WDPCP: variants seen among roughly 807,000 people sequenced by gnomAD.
WDPCP encodes WD repeat containing planar cell polarity effector.
WDPCP carries 71 observed loss-of-function variants against 93.1 expected under a neutral mutation model. That is an observed-to-expected ratio of 0.76 (90% CI 0.63 to 0.93). The LOEUF is 0.93. WDPCP is among the 40% of genes least tolerant of loss of function. WDPCP has a pLI of 0.00. For synonymous variants in WDPCP, 315 were observed against 315.0 expected (o/e 1.00, Z 0.00); for missense variants, 844 against 887.4 (o/e 0.95, Z 0.62).
intron 14 of WDPCP, among the ~76,000 whole-genome samples, chr2:63,217,882 C>T (rs888500747): frequency 6.6e-6 from 1 of 152,062 alleles, no homozygotes; most frequent in Non-Finnish European, 1.5e-5. Flanking sequence ...TTTGGTCCAC[C>T]TCAAAAAGAA....
At chr2:63,174,580 T>C (rs1169961535) in intron 15 of WDPCP, 90 bp downstream of exon 15, 8 of 1,558,604 alleles carry the variant, frequency 5.1e-6, no homozygotes, top group Non-Finnish European at 7.1e-6. Context: ...CTTGACATTT[T>C]GAAATATTCT....
intron 12 of WDPCP, among the ~76,000 whole-genome samples, chr2:63,329,422 G>A (rs1687818739): frequency 6.6e-6 from 1 of 151,866 alleles, no homozygotes; most frequent in African/African-American, 2.4e-5. Flanking sequence ...CAAGTACATT[G>A]CTTTTATTGA....
Position 63,260,649 on chromosome 2 carries a change from A to T in WDPCP, c.1813-1240T>A, listed in dbSNP as rs1206285947. On this transcript the variant is annotated intron_variant, in intron 13 of 17. Coordinates refer to ENST00000272321, the MANE Select transcript of WDPCP (RefSeq NM_015910.7). ...ACTGAAACCTCTGCCTCTTCAGTTC[A>T]AGTGATTCTCTTGCCTCTGCCTCTT... is the stretch of plus-strand genomic sequence containing the variant. Among the ~76,000 whole-genome samples, 4 of 152,312 alleles carry T rather than the reference A, an allele frequency of 2.6e-5. No individual in the cohort carries two copies. In the East Asian group the frequency reaches 7.7e-4, roughly 29 times the overall value.
intron 6 of WDPCP, among the ~76,000 whole-genome samples, chr2:63,447,117 G>A (rs1697918795): frequency 1.3e-5 from 2 of 151,236 alleles, no homozygotes; most frequent in African/African-American, 2.4e-5. Flanking sequence ...GGTGGGGGGA[G>A]GCATTTTTAA....
At chr2:63,232,788 AATG>A (rs1258771407) in intron 14 of WDPCP, 1 of 153,602 alleles carries the variant, frequency 6.5e-6, no homozygotes, top group Non-Finnish European at 1.5e-5. Flanking sequence ...GGCTTTTTTT[AATG>A]ATAATTATAA....
intron 9 of WDPCP, among the ~76,000 whole-genome samples, chr2:63,408,366 A>C (rs1298840825): frequency 6.6e-6 from 1 of 152,158 alleles, no homozygotes; most frequent in Non-Finnish European, 1.5e-5. Flanking sequence ...CCTTAACTGG[A>C]AGTGAGTCAA....
intron 2 of WDPCP, among the ~76,000 whole-genome samples, chr2:63,768,291 T>TA (rs1670175572): frequency 6.6e-6 from 1 of 151,966 alleles, no homozygotes; most frequent in African/African-American, 2.4e-5. Context: ...TGACTATTTT[T>TA]ATGCCACTAT....
intron 1 of WDPCP, among the ~76,000 whole-genome samples, chr2:63,545,687 T>G (rs1449564355): frequency 1.3e-5 from 2 of 151,852 alleles, no homozygotes; most frequent in Non-Finnish European, 2.9e-5. Flanking sequence ...TGATGTCAAG[T>G]AGAACTCAGA....
intron 2 of WDPCP, among the ~76,000 whole-genome samples, chr2:63,675,417 G>T (rs899933434): frequency 6.6e-6 from 1 of 152,134 alleles, no homozygotes; most frequent in South Asian, 2.1e-4. Context: ...ATATAATGGA[G>T]CAGGTAAGGG....
At chr2:63,311,705 T>C (rs1445991456) in intron 13 of WDPCP, among the ~76,000 whole-genome samples, 1 of 152,184 alleles carries the variant, frequency 6.6e-6, no homozygotes, top group Admixed American at 6.5e-5. Context: ...GGACACTTTA[T>C]ATTGTTATTG....
In WDPCP at chr2:63,404,650, C is replaced by G; in HGVS notation, c.833G>C (p.Ser278Thr). Residue 278 changes from serine to threonine, a missense_variant, in exon 10 of 18, where the codon AGT (serine) becomes ACT (threonine). Transcript: ENST00000272321. ...GYAQGRLEVL[S>T]SVRTEWDPLD... ...TGGGTCCCATTCTGTGCGGACAGAA[C>G]TCAGAACCTGTTAAGAAATATATCA... The G allele has an allele frequency of 1.2e-6, 2 of 1,614,046 alleles. No individual in the cohort carries two copies. The highest frequency in any genetic ancestry group is 1.7e-6 in the Non-Finnish European group (2 of 1,179,960).
chr2:63,480,067 G>T (rs1030471798), intron 6 of WDPCP, among the ~76,000 whole-genome samples: 5 of 151,970 alleles, frequency 3.3e-5, no homozygotes, highest in African/African-American at 7.2e-5. Context: ...ACAATCAGTA[G>T]CTCTGCTATT....
intron 3 of WDPCP, among the ~76,000 whole-genome samples, chr2:63,621,399 T>C (rs920827649): frequency 2.6e-5 from 4 of 151,780 alleles, no homozygotes; most frequent in African/African-American, 7.3e-5. Flanking sequence ...AATAGCCGAA[T>C]TGATCAAGCA....
chr2:63,796,120 C>T (rs1670613822), intron 2 of WDPCP, among the ~76,000 whole-genome samples: 1 of 152,208 alleles, frequency 6.6e-6, no homozygotes, highest in Non-Finnish European at 1.5e-5. Flanking sequence ...GTTATAGCTT[C>T]TCTCTGTGTG....
chr2:63,492,711 T>TATTTTA lies in WDPCP; in HGVS notation c.160+144_160+145insTAAAAT, dbSNP rs1418568866. On this transcript the variant is annotated intron_variant, in intron 2 of 17. Transcript: ENST00000272321. Reference sequence around the variant, plus strand: ...GTTAGTAAGAGTAATTAAAAGGAATTATTTTCCATTAACCAATTTTTCATT... The same window carrying TATTTTA: ...GTTAGTAAGAGTAATTAAAAGGAATTATTTTAATTTTCCATTAACCAATTTTTCATT... 3.4e-5 allele frequency: 24 copies of TATTTTA among 700,696 alleles called. No homozygotes were observed. In the East Asian group the frequency reaches 6.3e-4, roughly 18 times the overall value. The allele number at this position is 700,696 out of a possible 1,614,324, so 43.4% of individuals were successfully genotyped here.
At chr2:63,173,982 C>T (rs1046720956) in intron 15 of WDPCP, among the ~76,000 whole-genome samples, 1 of 152,112 alleles carries the variant, frequency 6.6e-6, no homozygotes, top group African/African-American at 2.4e-5. Flanking sequence ...TTTATTGTAA[C>T]ACTGCCATTC....
intron 14 of WDPCP, among the ~76,000 whole-genome samples, chr2:63,231,832 T>A (rs961589459): frequency 1.3e-5 from 2 of 152,072 alleles, no homozygotes; most frequent in Non-Finnish European, 2.9e-5. Context: ...AAAAACTACT[T>A]TAAAGTTCAT....
chr2:63,591,886 C>T (rs181804240), upstream of WDPCP, among the ~76,000 whole-genome samples: 3 of 152,288 alleles, frequency 2.0e-5, no homozygotes, highest in South Asian at 4.1e-4. Flanking sequence ...CTTAAAACTA[C>T]TCTGTTTGTT....
intron 6 of WDPCP, among the ~76,000 whole-genome samples, chr2:63,448,174 T>A (rs1355310036): frequency 2.6e-5 from 4 of 152,090 alleles, no homozygotes; most frequent in Non-Finnish European, 5.9e-5. Context: ...CTACCACTTT[T>A]AATATACCTC....
Sources: gnomAD v4.1 joint callset for allele counts (sites outside exome capture counted in the v4.1 genomes callset) on GRCh38, gnomAD v4.1.1 for gene constraint, MANE v1.5 for transcripts, NCBI Gene and HGNC (gene_info 2026-07-23, HGNC 2026-07-21) for gene names.